The following ITPRID1 variants were observed in gnomAD, a reference collection of about 807,000 sequenced individuals.
ITPRID1 encodes ITPR interacting domain containing 1.
In ITPRID1, 96 loss-of-function variants were observed where a neutral mutation model predicts 95.4. The observed-to-expected ratio is 1.01, with a 90% CI of 0.85 to 1.19. The LOEUF (loss-of-function observed/expected upper bound fraction) is 1.19. Among genes scored for constraint, ITPRID1 ranks in the 50% most tolerant of loss-of-function variants. The probability of loss-of-function intolerance (pLI) is 0.00; values close to 1 mark genes in which losing one functional copy is unlikely to be tolerated. For missense variants in ITPRID1, 1,339 were observed against 1,252.9 expected, an observed-to-expected ratio of 1.07 and a Z score of -1.04; for synonymous variants, 510 against 453.6, an observed-to-expected ratio of 1.12 and a Z score of -1.58.
chr7:31,519,680 TC>T (rs1783181335), intron 1 of ITPRID1, among the ~76,000 whole-genome samples: 1 of 144,560 alleles, frequency 6.9e-6, no homozygotes, highest in Admixed American at 7.0e-5. Context: ...TTTGTCCCTT[TC>T]TTTGCACATT....
intron 10 of ITPRID1, among the ~76,000 whole-genome samples, chr7:31,628,703 G>A (rs1277700521): frequency 6.6e-6 from 1 of 152,052 alleles, no homozygotes; most frequent in Admixed American, 6.5e-5. Context: ...TGATCCGCCC[G>A]CCTCGGCCTC....
At chr7:31,647,253 C>G (rs1790545495) in intron 12 of ITPRID1, among the ~76,000 whole-genome samples, 1 of 152,146 alleles carries the variant, frequency 6.6e-6, no homozygotes, top group Non-Finnish European at 1.5e-5. Context: ...AGAAAATTGG[C>G]TTTAAATTAG....
At chr7:31,571,772 C>T (rs995467461) in intron 6 of ITPRID1, among the ~76,000 whole-genome samples, 114 of 152,282 alleles carry the variant, frequency 7.5e-4, no homozygotes, top group African/African-American at 2.5e-3. Context: ...TTAACTTCTT[C>T]CTGAAAGTTG....
At chr7:31,640,970 T>A (rs1789964985) in intron 10 of ITPRID1, among the ~76,000 whole-genome samples, 2 of 152,176 alleles carry the variant, frequency 1.3e-5, no homozygotes, top group African/African-American at 4.8e-5. Context: ...TTATACAAAA[T>A]TGAGCCATTA....
intron 6 of ITPRID1, among the ~76,000 whole-genome samples, chr7:31,571,342 T>C (rs1368002289): frequency 6.6e-6 from 1 of 152,198 alleles, no homozygotes; most frequent in Non-Finnish European, 1.5e-5. Context: ...TCTTACCAAA[T>C]GTAGCTAGAA....
intron 10 of ITPRID1, among the ~76,000 whole-genome samples, chr7:31,597,217 T>A (rs557506527): frequency 6.6e-6 from 1 of 152,032 alleles, no homozygotes; most frequent in South Asian, 2.1e-4. Flanking sequence ...TCAGAAAAAA[T>A]TCCATTAAAC....
chr7:31,521,248 T>A (rs1194445274), intron 1 of ITPRID1, among the ~76,000 whole-genome samples: 1 of 152,168 alleles, frequency 6.6e-6, no homozygotes, highest in African/African-American at 2.4e-5. Flanking sequence ...TGCTACATTT[T>A]AAATTTGTGA....
At chr7:31,588,567 G>C (rs1785721904) in intron 10 of ITPRID1, among the ~76,000 whole-genome samples, 1 of 145,308 alleles carries the variant, frequency 6.9e-6, no homozygotes, top group South Asian at 2.2e-4. Flanking sequence ...GGAGACAGAG[G>C]TTGTGGTGAG....
Position 31,554,387 on chromosome 7 carries a change from A to C in ITPRID1, c.164-88A>C, listed in dbSNP as rs1784380111. 3 of 1,521,510 alleles carry C rather than the reference A, an allele frequency of 2.0e-6. No homozygotes were observed. The Admixed American group carries it at 6.2e-5, about 31-fold the overall frequency. The allele number at this position is 1,521,510 out of a possible 1,614,324, so 94.3% of individuals were successfully genotyped here. A position where few individuals can be genotyped will look rare whatever the true frequency, so the allele number is the denominator to read the frequency against. On this transcript the variant is annotated intron_variant, in intron 3 of 14. Coordinates refer to ENST00000615280, the MANE Select transcript of ITPRID1 (RefSeq NM_001257967.3). Reference sequence around the variant, plus strand: ...ACATGTGACTAAATATGTGGGAAATAGTGACTGAGTGGCGGCTGAGTAAAC... The same window carrying C: ...ACATGTGACTAAATATGTGGGAAATCGTGACTGAGTGGCGGCTGAGTAAAC...
rs778794231 is a variant in ITPRID1, at chr7:31,651,223, A to G, written c.2665A>G (p.Met889Val). Residue 889 changes from methionine (M) to valine (V), a missense_variant, in exon 13 of 15, where the codon ATG becomes GTG. Physicochemically the swap from Met to Val is conservative, Grantham distance 21 (BLOSUM62 1). Coordinates refer to ENST00000615280, the MANE Select transcript of ITPRID1 (RefSeq NM_001257967.3). Reference protein sequence around the residue: ...EYLEEIEQHLMGQQALFSRDM... With the variant: ...EYLEEIEQHLVGQQALFSRDM... ...TTTAGAAGAAATTGAACAGCACCTTATGGGACAGCAGGCCCTCTTTTCCAG... is the reference window on the plus strand; with the variant it reads ...TTTAGAAGAAATTGAACAGCACCTTGTGGGACAGCAGGCCCTCTTTTCCAG... The G allele has an allele frequency of 4.3e-6, 7 of 1,613,624 alleles. No homozygotes were observed. The highest frequency in any genetic ancestry group is 2.2e-5 in the East Asian group (1 of 44,872).
chr7:31,576,006 A>G (rs1454643665), intron 8 of ITPRID1, among the ~76,000 whole-genome samples: 1 of 152,172 alleles, frequency 6.6e-6, no homozygotes, highest in Non-Finnish European at 1.5e-5. Context: ...AGAGATGCAA[A>G]TTCTTTGATC....
rs116307346 is a variant in ITPRID1, at chr7:31,538,765, T to A, written c.-97-10661T>A. 6.0e-3 allele frequency among the ~76,000 whole-genome samples: 914 copies of A among 152,352 alleles called. 7 individuals are homozygous for A. Among genetic ancestry groups the A allele is most frequent in the African/African-American group, 0.019 (794 of 41,588 alleles). On this transcript the variant is annotated intron_variant, in intron 1 of 14. Coordinates refer to ENST00000615280, the MANE Select transcript of ITPRID1 (RefSeq NM_001257967.3). ...TGTTGTTATATCCCATTACCTGAGA[T>A]GTGAATATTGATCACTTGGTTAAGG...
At position 31,591,759 on chromosome 7, in the gene ITPRID1, G is replaced by T. The variant is rs183017185; in HGVS notation, c.1228+8568G>T. ...AGGGTTAAAAGCAGTTGTCTTTGGG[G>T]AATTTTCTTTCCATGACACAGTATT... On this transcript the variant is annotated intron_variant, in intron 10 of 14. Coordinates refer to ENST00000615280, the MANE Select transcript of ITPRID1 (RefSeq NM_001257967.3). Among the ~76,000 whole-genome samples the T allele has an allele frequency of 3.9e-5, 6 of 152,142 alleles. No homozygotes were observed. The East Asian group carries it at 1.2e-3, about 29-fold the overall frequency.
At chr7:31,548,590 G>C (rs1784177520) in intron 1 of ITPRID1, among the ~76,000 whole-genome samples, 1 of 152,080 alleles carries the variant, frequency 6.6e-6, no homozygotes, top group African/African-American at 2.4e-5. Flanking sequence ...GAGGGCACAA[G>C]TGTTGGGAGA....
chr7:31,608,491 A>G (rs1170848724), intron 10 of ITPRID1, among the ~76,000 whole-genome samples: 1 of 151,840 alleles, frequency 6.6e-6, no homozygotes, highest in Non-Finnish European at 1.5e-5. Context: ...CTGATTCACA[A>G]CATGGGATAT....
At chr7:31,531,462 T>G (rs2128130237) in intron 1 of ITPRID1, among the ~76,000 whole-genome samples, 1 of 152,312 alleles carries the variant, frequency 6.6e-6, no homozygotes, top group South Asian at 2.1e-4. Flanking sequence ...TCTAATTTGG[T>G]TTTGAGGTCT....
intron 10 of ITPRID1, among the ~76,000 whole-genome samples, chr7:31,626,353 A>G (rs368516797): frequency 9.2e-5 from 14 of 152,358 alleles, no homozygotes; most frequent in African/African-American, 3.4e-4. Flanking sequence ...GACCATAATC[A>G]TGCTTTAACT....
intron 10 of ITPRID1, among the ~76,000 whole-genome samples, chr7:31,597,504 C>T (rs974948071): frequency 6.6e-6 from 1 of 150,404 alleles, no homozygotes; most frequent in African/African-American, 2.4e-5. Context: ...AAAAAAAACC[C>T]CACAACAACA....
chr7:31,542,674 T>C (rs1783970955), intron 1 of ITPRID1, among the ~76,000 whole-genome samples: 1 of 152,160 alleles, frequency 6.6e-6, no homozygotes, highest in African/African-American at 2.4e-5. Flanking sequence ...AACGTTTCAT[T>C]TATTAAAAAA....
Sources: gnomAD v4.1 joint callset for allele counts (sites outside exome capture counted in the v4.1 genomes callset) on GRCh38, gnomAD v4.1.1 for gene constraint, MANE v1.5 for transcripts, NCBI Gene and HGNC (gene_info 2026-07-23, HGNC 2026-07-21) for gene names.